Variants in CCNE2 observed in about 807,000 individuals in gnomAD.
The protein encoded by CCNE2 is G1/S-specific cyclin-E2.
Under a neutral mutation model 56.8 loss-of-function variants are expected in CCNE2, and 18 were observed. The ratio of observed to expected loss-of-function variants is 0.32; its 90% CI spans 0.22 to 0.47. The LOEUF (loss-of-function observed/expected upper bound fraction) is 0.47. Among genes scored for constraint, CCNE2 ranks in the 20% least tolerant of loss-of-function variants. CCNE2 has a pLI of 1.00. For synonymous variants in CCNE2, 139 were observed against 149.2 expected, an observed-to-expected ratio of 0.93 and a Z score of 0.50; for missense variants, 371 against 467.1, an observed-to-expected ratio of 0.79 and a Z score of 1.90.
intron 5 of CCNE2, among the ~76,000 whole-genome samples, 172 bp downstream of exon 5, chr8:94,892,646 C>T (rs1018037663): frequency 6.6e-6 from 1 of 152,006 alleles, no homozygotes; most frequent in African/African-American, 2.4e-5. Context: ...TTTTAAATAC[C>T]CATATCATTT....
chr8:94,890,627 C>T (rs1430185082), intron 5 of CCNE2, 77 bp from the exon 6 acceptor site: 1 of 398,572 alleles, frequency 2.5e-6, no homozygotes, highest in East Asian at 7.9e-5. Flanking sequence ...GAGTCTCGCT[C>T]TGTGGCCCAG....
rs532209633 is a variant in CCNE2 at position 94,883,262 on chromosome 8, C to T, written c.832-370G>A. Among the ~76,000 whole-genome samples the T allele has an allele frequency of 3.0e-4, 45 of 148,284 alleles. 1 individual carries two copies. Among genetic ancestry groups the T allele is most frequent in the African/African-American group, 9.7e-4 (39 of 40,132 alleles). On this transcript the variant is annotated intron_variant, in intron 9 of 11. Coordinates refer to ENST00000308108, the MANE Select transcript of CCNE2 (RefSeq NM_057749.3). ...CTGCACTCCAGCCTGGGCGAAAGAG[C>T]GAGACTCCGTCTCAAAAAAAAAAAA...
chr8:94,887,682 A>T (rs1176903268), intron 7 of CCNE2, among the ~76,000 whole-genome samples: 1 of 152,218 alleles, frequency 6.6e-6, no homozygotes. Context: ...GCCATGGGAC[A>T]TTTCACTTAG....
At chr8:94,892,148 T>A (rs1423844707) in intron 5 of CCNE2, 8 of 536,114 alleles carry the variant, frequency 1.5e-5, no homozygotes, top group Admixed American at 4.5e-5. Flanking sequence ...TGAAAAAAAA[T>A]GTTTTCTCAA....
At chr8:94,884,061 A>G (rs1563679977) in intron 9 of CCNE2, 2 of 310,870 alleles carry the variant, frequency 6.4e-6, no homozygotes, top group East Asian at 7.7e-5. Context: ...TTCTGGATGA[A>G]AAAATTAAGC....
At chr8:94,891,886 C>G (rs1034480685) in intron 5 of CCNE2, 2 of 1,415,928 alleles carry the variant, frequency 1.4e-6, no homozygotes, top group Admixed American at 1.7e-5. Flanking sequence ...TGTAGATTCT[C>G]TGGTCATTGA....
chr8:94,895,162 G>A lies in CCNE2; in HGVS notation c.-27+15C>T, dbSNP rs553724164. 1.5e-3 allele frequency: 1,475 copies of A among 985,300 alleles called. 1 individual carries two copies. The highest frequency in any genetic ancestry group is 1.6e-3 in the Non-Finnish European group (1,356 of 829,876). 61.0% of individuals were successfully genotyped at this position (985,300 alleles called of 1,614,324 possible). ...CTTTCCTCCCACATCCCCCCTACGC[G>A]CAGCAACTCCTCACCGCCAGACCAG... On this transcript the variant is annotated intron_variant, in intron 1 of 11. Coordinates refer to ENST00000308108, the MANE Select transcript of CCNE2 (RefSeq NM_057749.3).
At chr8:94,887,100 A>G (rs1233582607) in intron 7 of CCNE2, among the ~76,000 whole-genome samples, 1 of 152,244 alleles carries the variant, frequency 6.6e-6, no homozygotes, top group African/African-American at 2.4e-5. Context: ...AAAGTCTTAG[A>G]TGAAAGTATT....
rs761475585 is a variant in CCNE2, at chr8:94,882,742, T to C, written c.943+39A>G. On this transcript the variant is annotated intron_variant, in intron 10 of 11. Coordinates refer to ENST00000308108, the MANE Select transcript of CCNE2 (RefSeq NM_057749.3). Reference sequence around the variant, plus strand: ...TCAGAGACTGTAGTCCCATTAGAAGTTGTGAAAAGGTAAGAAGACAACAAA... The same window carrying C: ...TCAGAGACTGTAGTCCCATTAGAAGCTGTGAAAAGGTAAGAAGACAACAAA... The C allele has an allele frequency of 6.0e-6, 8 of 1,336,122 alleles. No homozygotes were observed. In the East Asian group the frequency reaches 1.8e-4, roughly 31 times the overall value. The allele number at this position is 1,336,122 out of a possible 1,614,324, so 82.8% of individuals were successfully genotyped here.
At chr8:94,889,430 A>G (rs1291154031) in intron 6 of CCNE2, among the ~76,000 whole-genome samples, 1 of 152,238 alleles carries the variant, frequency 6.6e-6, no homozygotes, top group East Asian at 1.9e-4. Context: ...AAAGGAAACA[A>G]ATTAAAAATT....
At position 94,880,795 on chromosome 8, in the gene CCNE2, A is replaced by T. The variant is rs906254863; in HGVS notation, c.*837T>A. 4.3e-5 allele frequency: 17 copies of T among 398,458 alleles called. No homozygotes were observed. Among genetic ancestry groups the T allele is most frequent in the Non-Finnish European group, 7.1e-5 (16 of 225,766 alleles). The allele number at this position is 398,458 out of a possible 1,614,324, so 24.7% of individuals were successfully genotyped here. ...AAAAAATTCCTTAGGGATATCTTAG[A>T]GTAGTAAAGTGACTTCCTCATATAA... On this transcript the variant is annotated 3_prime_UTR_variant, in exon 12 of 12. Coordinates refer to ENST00000308108, the MANE Select transcript of CCNE2 (RefSeq NM_057749.3).
chr8:94,895,878 C>G (rs1047503708), upstream of CCNE2: 1 of 153,738 alleles, frequency 6.5e-6, no homozygotes. Flanking sequence ...CCCGCTCCGC[C>G]GGCCTTGCGC....
intron 6 of CCNE2, among the ~76,000 whole-genome samples, chr8:94,888,702 T>C (rs1026912191): frequency 1.3e-5 from 2 of 152,148 alleles, no homozygotes; most frequent in Non-Finnish European, 2.9e-5. Flanking sequence ...TTTTTTGTAT[T>C]TTTAGTAGAG....
intron 5 of CCNE2, chr8:94,891,278 T>C (rs138117506): frequency 2.0e-4 from 41 of 209,520 alleles, no homozygotes; most frequent in Non-Finnish European, 3.2e-4. Context: ...CCCCACAAAA[T>C]CATGCAAATC....
rs529553629 is a variant in CCNE2, at chr8:94,880,546, ATAGC to A, written c.*1082_*1085del. ...AAAAGCTAATTTAAAATATTTAGAA[ATAGC>A]TAGCCTATGTACAGCAAGTTTTCAT... On this transcript the variant is annotated 3_prime_UTR_variant, in exon 12 of 12. Coordinates refer to ENST00000308108, the MANE Select transcript of CCNE2 (RefSeq NM_057749.3). 389 of 313,194 alleles carry A rather than the reference ATAGC, an allele frequency of 1.2e-3. 3 individuals are homozygous for A. The highest frequency in any genetic ancestry group is 3.9e-3 in the South Asian group (30 of 7,708). 19.4% of individuals were successfully genotyped at this position (313,194 alleles called of 1,614,324 possible).
intron 1 of CCNE2, chr8:94,894,687 C>A (rs1586560922): frequency 6.4e-6 from 1 of 156,182 alleles, no homozygotes; most frequent in Admixed American, 6.4e-5. Context: ...TGGAGAGCGG[C>A]GGTGGCGGGG....
intron 9 of CCNE2, chr8:94,883,622 A>C: frequency 4.1e-6 from 1 of 243,770 alleles, no homozygotes; most frequent in East Asian, 8.4e-5. Context: ...TTAAGAAGTC[A>C]GAATTTTATA....
In CCNE2 at chr8:94,881,754, G is replaced by T. The variant is rs200468666; in HGVS notation, c.1102-9C>A. On this transcript the variant is annotated splice_polypyrimidine_tract_variant and intron_variant, in intron 11 of 11. Coordinates refer to ENST00000308108, the MANE Select transcript of CCNE2 (RefSeq NM_057749.3). The stretch of plus-strand genomic sequence containing the variant: ...ATGTAATTTACTTCCTCCTATACAT[G>T]GGAAGAAATCATGCACTGATTTCAT... 6.2e-7 allele frequency: 1 copy of T among 1,612,756 alleles called. No homozygotes were observed. Among genetic ancestry groups the T allele is most frequent in the African/African-American group, 1.3e-5 (1 of 74,906 alleles).
intron 5 of CCNE2, 59 bp from the exon 6 acceptor site, chr8:94,890,609 T>C: frequency 3.3e-6 from 1 of 303,940 alleles, no homozygotes; most frequent in Non-Finnish European, 4.8e-6. Context: ...TTTTTTTTTT[T>C]TGAGACAGAG....
Sources: allele counts gnomAD v4.1 joint callset (sites outside exome capture counted in the v4.1 genomes callset), GRCh38; gene constraint gnomAD v4.1.1; transcripts MANE v1.5; gene names NCBI Gene and HGNC (gene_info 2026-07-23, HGNC 2026-07-21).